The following CNOT4 variants were observed in gnomAD, a reference collection of about 807,000 sequenced individuals.
CNOT4 encodes CCR4-NOT transcription complex subunit 4.
A neutral mutation model predicts 73.8 loss-of-function variants in CNOT4; 8 were observed. The ratio of observed to expected loss-of-function variants is 0.11; its 90% CI spans 0.06 to 0.20. The LOEUF (loss-of-function observed/expected upper bound fraction) is 0.20. Among genes scored for constraint, CNOT4 ranks in the 10% least tolerant of loss-of-function variants. The pLI, the probability that CNOT4 is intolerant of heterozygous loss-of-function variation, is 1.00. For missense variants in CNOT4, 564 were observed against 883.4 expected (o/e 0.64, Z 4.58); for synonymous variants, 293 against 321.1 (o/e 0.91, Z 0.94).
chr7:135,395,588 T>C (rs747171243), intron 9 of CNOT4, 46 bp downstream of exon 9: 13 of 1,567,014 alleles, frequency 8.3e-6, no homozygotes, highest in Non-Finnish European at 1.1e-5. Context: ...CTGTCAACAA[T>C]ACGTTAAGAG....
chr7:135,497,398 G>A (rs1803661198), intron 1 of CNOT4, among the ~76,000 whole-genome samples: 1 of 152,040 alleles, frequency 6.6e-6, no homozygotes, highest in South Asian at 2.1e-4. Context: ...GAGAGAGTGA[G>A]ACACTGTCTC....
In CNOT4 at chr7:135,392,240, C is replaced by A. The variant is rs114751233; in HGVS notation, c.1627+1678G>T. ...CAGACATATAGTTACCACTTTCACA[C>A]ATTATTTTAGTCTCTTCAACTATAC... On this transcript the variant is annotated intron_variant, in intron 10 of 11. Coordinates refer to ENST00000541284, the MANE Select transcript of CNOT4 (RefSeq NM_001190850.2). Among the ~76,000 whole-genome samples, 1,318 of 152,180 alleles carry A rather than the reference C, an allele frequency of 8.7e-3. 22 individuals carry two copies. The highest frequency in any genetic ancestry group is 0.03 in the African/African-American group (1,257 of 41,540).
In CNOT4 at chr7:135,445,556, G is replaced by A. The variant is rs1260447881; in HGVS notation, c.-92-7133C>T. Among the ~76,000 whole-genome samples, 4 of 152,064 alleles carry A rather than the reference G, an allele frequency of 2.6e-5. No homozygotes were observed. The East Asian group carries it at 5.8e-4, about 22-fold the overall frequency. On this transcript the variant is annotated intron_variant, in intron 1 of 11. Transcript: ENST00000541284. ...TAAGGGCAAGTTTCCCCTTGTAGAC[G>A]TATCAAAATATTACCAATTGTAAAC...
At chr7:135,484,913 C>T (rs1802620264) in intron 1 of CNOT4, among the ~76,000 whole-genome samples, 1 of 151,976 alleles carries the variant, frequency 6.6e-6, no homozygotes, top group Non-Finnish European at 1.5e-5. Flanking sequence ...GATCTATATG[C>T]TGAAAATTAC....
At chr7:135,366,541 G>A (rs1404047031) in intron 10 of CNOT4, among the ~76,000 whole-genome samples, 2 of 152,142 alleles carry the variant, frequency 1.3e-5, no homozygotes. Context: ...ATCCTCCCAG[G>A]TGCACTATGA....
intron 1 of CNOT4, among the ~76,000 whole-genome samples, chr7:135,457,794 T>C (rs1219656230): frequency 6.6e-6 from 1 of 152,110 alleles, no homozygotes; most frequent in African/African-American, 2.4e-5. Context: ...CTCTATAGCA[T>C]ATAAAACTTT....
rs1021691483 is a variant in CNOT4 at position 135,510,020 on chromosome 7, T to C, written c.-224A>G. 2.3e-5 allele frequency: 9 copies of C among 398,966 alleles called. No individual in the cohort carries two copies. The highest frequency in any genetic ancestry group is 1.9e-4 in the African/African-American group (9 of 48,620). The allele number at this position is 398,966 out of a possible 1,614,324, so 24.7% of individuals were successfully genotyped here. On this transcript the variant is annotated 5_prime_UTR_variant, in exon 1 of 12. Transcript: ENST00000541284. ...TGATTGCTTCAGCGAGTCCGACCTT[T>C]ACGGCTGAGAGAGAGACTCTCAGCT...
chr7:135,411,946 C>G (rs1797609931), intron 6 of CNOT4, among the ~76,000 whole-genome samples: 1 of 151,856 alleles, frequency 6.6e-6, no homozygotes, highest in Non-Finnish European at 1.5e-5. Flanking sequence ...AAAATTTATT[C>G]AAATTTCTTT....
chr7:135,390,306 A>G (rs1796334334), intron 10 of CNOT4, among the ~76,000 whole-genome samples: 2 of 152,178 alleles, frequency 1.3e-5, no homozygotes, highest in Non-Finnish European at 2.9e-5. Flanking sequence ...CTAATTGAAT[A>G]TGTGACCTTT....
intron 1 of CNOT4, among the ~76,000 whole-genome samples, chr7:135,503,946 A>C (rs1314214242): frequency 8.5e-5 from 13 of 152,230 alleles, no homozygotes; most frequent in Non-Finnish European, 1.5e-5. Context: ...GGAGGCAGAA[A>C]ATAAAGGGGA....
At position 135,435,115 on chromosome 7, in the gene CNOT4, C is replaced by T. The variant is rs190691045; in HGVS notation, c.174+3043G>A. On this transcript the variant is annotated intron_variant, in intron 2 of 11. Coordinates refer to ENST00000541284, the MANE Select transcript of CNOT4 (RefSeq NM_001190850.2). ...AATTTTAGTCTTGTTCTGTTGTATT[C>T]TAAATATTTATCTCTCACAAGCTTT... Among the ~76,000 whole-genome samples the T allele has an allele frequency of 2.7e-3, 416 of 152,144 alleles. 6 individuals carry two copies. Among genetic ancestry groups the T allele is most frequent in the Admixed American group, 0.026 (390 of 15,286 alleles).
intron 1 of CNOT4, chr7:135,509,178 G>A (rs921540007): frequency 1.3e-5 from 2 of 152,248 alleles, no homozygotes; most frequent in African/African-American, 4.8e-5. Flanking sequence ...AAGAGGGAAG[G>A]AACGGACAAT....
At chr7:135,372,177 G>A (rs561141095) in intron 10 of CNOT4, among the ~76,000 whole-genome samples, 21 of 152,288 alleles carry the variant, frequency 1.4e-4, no homozygotes, top group South Asian at 6.2e-4. Flanking sequence ...CCTTGCTGAC[G>A]ATCTCTCTTT....
At chr7:135,411,655 G>C (rs1797594154) in intron 6 of CNOT4, among the ~76,000 whole-genome samples, 1 of 151,930 alleles carries the variant, frequency 6.6e-6, no homozygotes. Flanking sequence ...TGTATATCTA[G>C]ACTGGAAGAA....
At chr7:135,479,738 A>G (rs1420483378) in intron 1 of CNOT4, among the ~76,000 whole-genome samples, 1 of 151,946 alleles carries the variant, frequency 6.6e-6, no homozygotes, top group Non-Finnish European at 1.5e-5. Context: ...CTCTATAAAA[A>G]ACACAAAAAT....
intron 8 of CNOT4, among the ~76,000 whole-genome samples, chr7:135,396,993 A>C (rs535564257): frequency 6.6e-6 from 1 of 152,258 alleles, no homozygotes; most frequent in African/African-American, 2.4e-5. Context: ...TAAAATCTAC[A>C]TTTATGTATA....
At position 135,504,475 on chromosome 7, in the gene CNOT4, T is replaced by TAGTAGAGATGGGG. The variant is rs1254250435; in HGVS notation, c.-93+5413_-93+5414insCCCCATCTCTACT. On this transcript the variant is annotated intron_variant, in intron 1 of 11. Transcript: ENST00000541284. ...CACATCCGGCTAATTTTTTTTTTTT[T>TAGTAGAGATGGGG]TTTTTTTTTTTTTTATTTTTATTTT... Among the ~76,000 whole-genome samples the TAGTAGAGATGGGG allele has an allele frequency of 9.9e-4, 69 of 69,458 alleles. 1 individual carries two copies. Among genetic ancestry groups the TAGTAGAGATGGGG allele is most frequent in the African/African-American group, 1.6e-3 (24 of 14,824 alleles). The allele number at this position is 69,458 out of a possible 152,430, so 45.6% of individuals were successfully genotyped here.
At chr7:135,375,633 CGT>C (rs1217347392) in intron 10 of CNOT4, among the ~76,000 whole-genome samples, 1 of 151,836 alleles carries the variant, frequency 6.6e-6, no homozygotes, top group Non-Finnish European at 1.5e-5. Flanking sequence ...TTTTAAAAGG[CGT>C]GTGTTAGGGC....
chr7:135,495,690 A>AAAGAAAG (rs1803483391), intron 1 of CNOT4, among the ~76,000 whole-genome samples: 20 of 38,648 alleles, frequency 5.2e-4, no homozygotes, highest in African/African-American at 1.7e-3. Context: ...AAAAAAAAAA[A>AAAGAAAG]AAAGAAAGAA....
Sources: allele counts gnomAD v4.1 joint callset (sites outside exome capture counted in the v4.1 genomes callset), GRCh38; gene constraint gnomAD v4.1.1; transcripts MANE v1.5; gene names NCBI Gene and HGNC (gene_info 2026-07-23, HGNC 2026-07-21).